The following CSF1R variants were observed in gnomAD, a reference collection of about 807,000 sequenced individuals.
CSF1R encodes macrophage colony-stimulating factor 1 receptor.
A neutral mutation model predicts 110.0 loss-of-function variants in CSF1R; 40 were observed. The ratio of observed to expected loss-of-function variants is 0.36; its 90% CI spans 0.28 to 0.47. The LOEUF is 0.47. Ranked by LOEUF, CSF1R falls within the 20% of genes least tolerant of loss-of-function variation. The pLI, the probability that CSF1R is intolerant of heterozygous loss-of-function variation, is 0.99. For synonymous variants in CSF1R, 523 were observed against 503.4 expected (o/e 1.04, Z -0.52); for missense variants, 1,052 against 1,253.0 (o/e 0.84, Z 2.42).
intron 1 of CSF1R, among the ~76,000 whole-genome samples, chr5:150,084,101 C>T (rs999082750): frequency 2.6e-5 from 4 of 151,966 alleles, no homozygotes; most frequent in Admixed American, 2.0e-4. Context: ...CTTTGGGACG[C>T]CAAGGCAGGG....
rs1757545039 is a variant in CSF1R at position 150,061,829 on chromosome 5, G to A, written c.1647C>T (p.Arg549=). 1 of 1,614,216 alleles carries A rather than the reference G, an allele frequency of 6.2e-7. No individual in the cohort carries two copies. ...CCTCATAGCTCTCGATGATCTTCCA[G>A]CGGACCTGGTACTTGGGCTTCTGCA... ...KYKQKPKYQV[R]WKIIESYEGN... is the part of the protein sequence containing the mutation. The change falls in exon 11 of 21, where the codon CGC becomes CGT. Residue 549 remains arginine, a synonymous_variant. Transcript: ENST00000675795.
chr5:150,077,353 T>C lies in CSF1R; in HGVS notation c.812A>G (p.Gln271Arg), dbSNP rs2113824403. The change falls in exon 5 of 21, where the codon CAA becomes CGA. Residue 271 changes from glutamine (Q) to arginine (R), a missense_variant. By Grantham distance (43) the Gln-to-Arg change is conservative. Around this residue, in one of 5 missense-constraint regions of CSF1R, gnomAD observed 693 missense variants for 735.4 expected, o/e 0.94. Transcript: ENST00000675795. ...CACGCAGGAGTAGTTGCCGGCATGTTGGAAATCTACTTGATCGAGGTTGAG... is the reference window on the plus strand; with the variant it reads ...CACGCAGGAGTAGTTGCCGGCATGTCGGAAATCTACTTGATCGAGGTTGAG... The part of the protein sequence containing the change: ...LTLNLDQVDF[Q>R]HAGNYSCVAS... The C allele has an allele frequency of 1.2e-6, 2 of 1,614,206 alleles. No homozygotes were observed. The highest frequency in any genetic ancestry group is 1.7e-6 in the Non-Finnish European group (2 of 1,180,040).
chr5:150,077,159 C>A, intron 5 of CSF1R, 117 bp downstream of exon 5: 2 of 1,374,692 alleles, frequency 1.5e-6, no homozygotes, highest in Non-Finnish European at 2.1e-6. Flanking sequence ...TAAACAAACT[C>A]CAGCAGAGAT....
intron 1 of CSF1R, among the ~76,000 whole-genome samples, chr5:150,110,516 C>G (rs1469857369): frequency 6.6e-6 from 1 of 152,198 alleles, no homozygotes; most frequent in Admixed American, 6.5e-5. Context: ...GTGCATCTCT[C>G]AAAATGAATG....
chr5:150,070,324 C>T, intron 7 of CSF1R, 22 bp from the exon 8 acceptor site: 1 of 1,610,994 alleles, frequency 6.2e-7, no homozygotes, highest in Non-Finnish European at 8.5e-7. Flanking sequence ...AGGAGGAGGC[C>T]CCAAGTCACA....
chr5:150,112,130 A>C (rs1759738562), intron 1 of CSF1R, among the ~76,000 whole-genome samples: 1 of 152,020 alleles, frequency 6.6e-6, no homozygotes, highest in African/African-American at 2.4e-5. Flanking sequence ...AACCATCCTC[A>C]CCTTGCCCCA....
At chr5:150,103,108 TATCTC>T (rs1233364364) in intron 1 of CSF1R, among the ~76,000 whole-genome samples, 1 of 152,234 alleles carries the variant, frequency 6.6e-6, no homozygotes, top group African/African-American at 2.4e-5. Flanking sequence ...GTTTGTGACT[TATCTC>T]AGCTCACACA....
chr5:150,099,818 C>T (rs1009419634), intron 1 of CSF1R, among the ~76,000 whole-genome samples: 2 of 151,868 alleles, frequency 1.3e-5, no homozygotes, highest in Non-Finnish European at 2.9e-5. Context: ...TGACTATATA[C>T]ATTTGTCAAA....
At chr5:150,107,092 C>T (rs1196472545) in intron 1 of CSF1R, among the ~76,000 whole-genome samples, 2 of 152,178 alleles carry the variant, frequency 1.3e-5, no homozygotes, top group Non-Finnish European at 2.9e-5. Flanking sequence ...AATGTATAAA[C>T]AATCCAATGA....
At chr5:150,095,275 T>C (rs577859383) in intron 1 of CSF1R, among the ~76,000 whole-genome samples, 203 of 152,186 alleles carry the variant, frequency 1.3e-3, no homozygotes, top group African/African-American at 4.8e-3. Context: ...CTGAATAAAA[T>C]CGTAAATGAT....
intron 14 of CSF1R, chr5:150,058,043 AT>A: frequency 2.7e-6 from 1 of 365,100 alleles, no homozygotes. Context: ...CTAATTACTA[AT>A]ACTTCAGAAA....
chr5:150,054,993 CAAAAAAAAAA>C (rs11342950), intron 19 of CSF1R, among the ~76,000 whole-genome samples: 6 of 74,786 alleles, frequency 8.0e-5, no homozygotes, highest in Middle Eastern at 6.5e-3. Context: ...GATGCTGTCT[CAAAAAAAAAA>C]AAAAAAAAAA....
At chr5:150,075,172 G>A (rs1364505979) in intron 5 of CSF1R, among the ~76,000 whole-genome samples, 1 of 152,154 alleles carries the variant, frequency 6.6e-6, no homozygotes, top group East Asian at 1.9e-4. Flanking sequence ...TAGTCTGTGA[G>A]CTTTTGGGGG....
chr5:150,096,787 TA>T (rs1409923938), intron 1 of CSF1R, among the ~76,000 whole-genome samples: 2 of 152,238 alleles, frequency 1.3e-5, no homozygotes, highest in Non-Finnish European at 2.9e-5. Context: ...TGTTCATTTC[TA>T]AAGGAAATTT....
Position 150,054,351 on chromosome 5 carries a change from C to T in CSF1R, c.2734G>A (p.Glu912Lys). The change falls in exon 20 of 21, where the codon GAG becomes AAG. Residue 912 changes from glutamate (E) to lysine (K), a missense_variant. This residue lies in a region of CSF1R where 85 missense variants were observed against 78.8 expected (regional missense o/e 1.08). Coordinates refer to ENST00000675795, the MANE Select transcript of CSF1R (RefSeq NM_001288705.3). ...TCTCTCCTGTCCTCTTGGGCCTGCT[C>T]CTGAAGGAAGGAGCAGATCTGCTGG... ...TFQQICSFLQ[E>K]QAQEDRRERD... The T allele has an allele frequency of 6.2e-7, 1 of 1,614,106 alleles. No homozygotes were observed. Among genetic ancestry groups the T allele is most frequent in the African/African-American group, 1.3e-5 (1 of 75,020 alleles).
intron 10 of CSF1R, 150 bp from the exon 11 acceptor site, chr5:150,061,999 G>A (rs895736822): frequency 2.0e-5 from 21 of 1,053,098 alleles, no homozygotes; most frequent in South Asian, 2.9e-5. Flanking sequence ...GAGAGAGGTC[G>A]TCTCATGAAC....
intron 10 of CSF1R, among the ~76,000 whole-genome samples, chr5:150,062,451 C>T (rs1368187027): frequency 6.8e-6 from 1 of 146,628 alleles, no homozygotes; most frequent in Non-Finnish European, 1.5e-5. Flanking sequence ...CCCTGGCAAC[C>T]ATGATTCTGC....
chr5:150,055,099 G>C (rs1757143481), intron 19 of CSF1R, 138 bp downstream of exon 19: 3 of 695,906 alleles, frequency 4.3e-6, no homozygotes, highest in Non-Finnish European at 7.4e-6. Flanking sequence ...AAAGGGGCTT[G>C]TTGTGTCCAC....
rs75384280 is a variant in CSF1R, at chr5:150,107,711, G to C, written c.-181+5550C>G. 6.2e-3 allele frequency among the ~76,000 whole-genome samples: 942 copies of C among 152,370 alleles called. 5 individuals are homozygous for C. The highest frequency in any genetic ancestry group is 0.021 in the African/African-American group (893 of 41,592). ...GTAAAGGGGAACAGCCTAGGCTTTG[G>C]AGCCAGATAGACCAGGAATTCATTC... is the stretch of plus-strand genomic sequence containing the variant. On this transcript the variant is annotated intron_variant, in intron 1 of 21. Coordinates refer to the CSF1R transcript ENST00000286301.
Sources: allele counts gnomAD v4.1 joint callset (sites outside exome capture counted in the v4.1 genomes callset), GRCh38; gene constraint gnomAD v4.1.1; regional missense constraint gnomAD v4.1.1; transcripts MANE v1.5; gene names NCBI Gene and HGNC (gene_info 2026-07-23, HGNC 2026-07-21).